The following NUB1 variants were observed in gnomAD, a reference collection of about 807,000 sequenced individuals.
NUB1 encodes negative regulator of ubiquitin like proteins 1.
In NUB1, 41 loss-of-function variants were observed where a neutral mutation model predicts 77.1. The observed-to-expected ratio is 0.53, with a 90% CI of 0.41 to 0.69. The LOEUF (loss-of-function observed/expected upper bound fraction) is 0.69, where lower values mean the gene tolerates loss of function less well. Ranked by LOEUF, NUB1 falls within the 30% of genes least tolerant of loss-of-function variation. NUB1 has a pLI of 0.00. For missense variants in NUB1, 643 were observed against 743.8 expected, an observed-to-expected ratio of 0.86 and a Z score of 1.58; for synonymous variants, 257 against 281.0, an observed-to-expected ratio of 0.91 and a Z score of 0.85.
chr7:151,344,341 C>G (rs1268501359), intron 1 of NUB1, among the ~76,000 whole-genome samples: 1 of 151,326 alleles, frequency 6.6e-6, no homozygotes, highest in African/African-American at 2.4e-5. Context: ...GACGGAGTCT[C>G]ACTCTGTTGC....
chr7:151,362,621 G>A (rs765823269), intron 8 of NUB1, among the ~76,000 whole-genome samples: 6 of 152,200 alleles, frequency 3.9e-5, no homozygotes, highest in African/African-American at 7.2e-5. Flanking sequence ...TTCAGGTTAC[G>A]GGGCAGGGAG....
rs1210448882 is a variant in NUB1 at position 151,361,050 on chromosome 7, G to T, written c.800+803G>T. On this transcript the variant is annotated intron_variant, in intron 8 of 14. Coordinates refer to ENST00000568733, the MANE Select transcript of NUB1 (RefSeq NM_001243351.2). ...CCTGCCTTGGCCTCCCAAAGTGCTG[G>T]GATTACAGGTGTGAGCCACCGCACC... The T allele has an allele frequency of 1.3e-5, 2 of 151,014 alleles. 1 individual carries two copies. Among genetic ancestry groups the T allele is most frequent in the African/African-American group, 4.9e-5 (2 of 41,048 alleles). The allele number at this position is 151,014 out of a possible 1,614,324, so 9.4% of individuals were successfully genotyped here.
chr7:151,344,784 G>A (rs2150658176), intron 1 of NUB1, among the ~76,000 whole-genome samples: 1 of 152,208 alleles, frequency 6.6e-6, no homozygotes, highest in Admixed American at 6.5e-5. Flanking sequence ...TGGATCACTT[G>A]AGGTCAGGAA....
rs187292047 is a variant in NUB1, at chr7:151,344,248, T to C, written c.-2-1100T>C. The stretch of plus-strand genomic sequence containing the variant: ...CTGTTAGGCTGTTAATCAGAAAATA[T>C]GCAAAATTTTCCTAGTATTGTAATC... On this transcript the variant is annotated intron_variant, in intron 1 of 14. Transcript: ENST00000568733. Among the ~76,000 whole-genome samples the C allele has an allele frequency of 4.0e-4, 56 of 138,616 alleles. 1 individual carries two copies. Among genetic ancestry groups the C allele is most frequent in the Admixed American group, 3.4e-3 (47 of 13,906 alleles). The allele number at this position is 138,616 out of a possible 152,430, so 90.9% of individuals were successfully genotyped here.
intron 5 of NUB1, among the ~76,000 whole-genome samples, chr7:151,354,190 C>T (rs1584944854): frequency 1.3e-5 from 2 of 152,078 alleles, no homozygotes; most frequent in Admixed American, 6.6e-5. Flanking sequence ...TGTCTTTTCC[C>T]TGCTGATTGG....
intron 4 of NUB1, 90 bp from the exon 5 acceptor site, chr7:151,352,722 C>A: frequency 1.3e-6 from 1 of 794,082 alleles, no homozygotes; most frequent in Non-Finnish European, 2.1e-6. Flanking sequence ...GGATTACAGG[C>A]GTGAGCCACC....
chr7:151,361,616 C>A (rs1052497743), intron 8 of NUB1, among the ~76,000 whole-genome samples: 1 of 152,200 alleles, frequency 6.6e-6, no homozygotes, highest in South Asian at 2.1e-4. Context: ...GTGTTAACTT[C>A]TTTTCTGTTT....
At chr7:151,366,831 A>G in intron 8 of NUB1, 108 bp from the exon 9 acceptor site, 1 of 837,012 alleles carries the variant, frequency 1.2e-6, no homozygotes, top group Non-Finnish European at 1.8e-6. Context: ...GCCTTTGAAT[A>G]TATACCAAGA....
chr7:151,350,604 A>G (rs1271670957), intron 3 of NUB1, among the ~76,000 whole-genome samples: 1 of 152,272 alleles, frequency 6.6e-6, no homozygotes, highest in African/African-American at 2.4e-5. Context: ...TTATTGTAAT[A>G]TTGAAATAAA....
At chr7:151,374,590 A>G (rs1318951212) in intron 12 of NUB1, 2 of 353,260 alleles carry the variant, frequency 5.7e-6, no homozygotes, top group Non-Finnish European at 1.0e-5. Flanking sequence ...TTCAACTTGT[A>G]GTATAATTGT....
chr7:151,351,370 C>G, intron 3 of NUB1, 54 bp from the exon 4 acceptor site: 2 of 1,331,388 alleles, frequency 1.5e-6, no homozygotes, highest in Non-Finnish European at 1.1e-6. Context: ...ACAGGGTAAT[C>G]TCTCCAAAAT....
intron 3 of NUB1, 198 bp from the exon 4 acceptor site, chr7:151,351,226 C>T (rs951438957): frequency 2.7e-5 from 15 of 559,406 alleles, no homozygotes; most frequent in South Asian, 2.1e-4. Context: ...GCCACGCTGC[C>T]GCCCCCTTGA....
chr7:151,343,977 T>C lies in NUB1; in HGVS notation c.-2-1371T>C, dbSNP rs1044547074. The stretch of plus-strand genomic sequence containing the variant: ...CGGGCGGATCACAAGGTCAGGAGAT[T>C]GAGACCATCCTGGCCAACACGGTGA... On this transcript the variant is annotated intron_variant, in intron 1 of 14. Transcript: ENST00000568733. Among the ~76,000 whole-genome samples the C allele has an allele frequency of 4.6e-5, 7 of 151,806 alleles. No homozygotes were observed. In the East Asian group the frequency reaches 9.8e-4, roughly 21 times the overall value.
At position 151,377,282 on chromosome 7, in the gene NUB1, G is replaced by C; in HGVS notation, c.*57G>C. ...TTATAAATGCTATCATTATGAAAAG[G>C]CTAATGCAGCTCTTTCTGTTCTTAC... On this transcript the variant is annotated 3_prime_UTR_variant, in exon 15 of 15. Coordinates refer to ENST00000568733, the MANE Select transcript of NUB1 (RefSeq NM_001243351.2). 6 of 1,178,590 alleles carry C rather than the reference G, an allele frequency of 5.1e-6. No individual in the cohort carries two copies. Among genetic ancestry groups the C allele is most frequent in the Non-Finnish European group, 7.0e-6 (6 of 852,384 alleles). 73.0% of individuals were successfully genotyped at this position (1,178,590 alleles called of 1,614,324 possible).
intron 2 of NUB1, among the ~76,000 whole-genome samples, chr7:151,346,974 T>TC (rs1279101320): frequency 2.0e-5 from 3 of 152,154 alleles, no homozygotes; most frequent in Non-Finnish European, 2.9e-5. Context: ...CTGTGGAGTC[T>TC]AACGCTAACT....
Position 151,377,270 on chromosome 7 carries a change from C to T in NUB1, c.*45C>T. The T allele has an allele frequency of 1.5e-6, 2 of 1,308,954 alleles. No individual in the cohort carries two copies. Among genetic ancestry groups the T allele is most frequent in the South Asian group, 1.5e-5 (1 of 66,018 alleles). The allele number at this position is 1,308,954 out of a possible 1,614,324, so 81.1% of individuals were successfully genotyped here. A position where few individuals can be genotyped will look rare whatever the true frequency, so the allele number is the denominator to read the frequency against. ...CTAATTTTCTGCTTATAAATGCTAT[C>T]ATTATGAAAAGGCTAATGCAGCTCT... On this transcript the variant is annotated 3_prime_UTR_variant, in exon 15 of 15. Transcript: ENST00000568733.
intron 5 of NUB1, among the ~76,000 whole-genome samples, chr7:151,353,850 C>G (rs1012386992): frequency 6.6e-6 from 1 of 152,200 alleles, no homozygotes; most frequent in East Asian, 1.9e-4. Context: ...CTCACCCTAG[C>G]CTTGCTTTCC....
In NUB1 at chr7:151,368,821, G is replaced by T. The variant is rs774045236; in HGVS notation, c.1182G>T (p.Arg394=). The part of the protein sequence containing the change: ...LQLGFTAQEA[R]LGLRACDGNV... The stretch of plus-strand genomic sequence containing the variant: ...TGGGGTTTACTGCCCAGGAAGCCCG[G>T]CTTGGCCTGAGGGCGTGTGATGGGA... Residue 394 remains arginine (R), a synonymous_variant, in exon 11 of 15, where the codon CGG becomes CGT. Transcript: ENST00000568733. 6.2e-7 allele frequency: 1 copy of T among 1,614,036 alleles called. No homozygotes were observed. Among genetic ancestry groups the T allele is most frequent in the Non-Finnish European group, 8.5e-7 (1 of 1,179,878 alleles).
chr7:151,367,156 T>C (rs1261720552), intron 9 of NUB1, 31 bp downstream of exon 9: 2 of 1,551,650 alleles, frequency 1.3e-6, no homozygotes, highest in Non-Finnish European at 1.8e-6. Flanking sequence ...TTATGTCTCG[T>C]TGAGTCCATT....
Sources: allele counts gnomAD v4.1 joint callset (sites outside exome capture counted in the v4.1 genomes callset), GRCh38; gene constraint gnomAD v4.1.1; transcripts MANE v1.5; gene names NCBI Gene and HGNC (gene_info 2026-07-23, HGNC 2026-07-21).